The following TMCC1 variants were observed in gnomAD, a reference collection of about 807,000 sequenced individuals.
TMCC1 encodes the protein transmembrane and coiled-coil domain family 1, also known as transmembrane and coiled-coil domains protein 1.
Under a neutral mutation model 52.4 loss-of-function variants are expected in TMCC1, and 15 were observed. That is an observed-to-expected ratio of 0.29 (90% confidence interval 0.19 to 0.44). The LOEUF (loss-of-function observed/expected upper bound fraction) is 0.44, where lower values mean the gene tolerates loss of function less well. Ranked by LOEUF, TMCC1 falls within the 20% of genes least tolerant of loss-of-function variation. TMCC1 has a pLI of 1.00. For missense variants in TMCC1, 503 were observed against 806.0 expected (o/e 0.62, Z 4.55); for synonymous variants, 279 against 301.9 (o/e 0.92, Z 0.79).
At chr3:129,786,302 T>C (rs1040547726) in intron 4 of TMCC1, among the ~76,000 whole-genome samples, 14 of 152,154 alleles carry the variant, frequency 9.2e-5, no homozygotes, top group African/African-American at 2.9e-4. Flanking sequence ...CTCAACAAAA[T>C]ATTATCTAGT....
chr3:129,883,811 G>T (rs937515383), intron 1 of TMCC1, among the ~76,000 whole-genome samples: 1 of 151,424 alleles, frequency 6.6e-6, no homozygotes, highest in Non-Finnish European at 1.5e-5. Context: ...TCACCAACAT[G>T]GTGAAACAAG....
intron 2 of TMCC1, among the ~76,000 whole-genome samples, chr3:129,837,735 A>G (rs1055248814): frequency 1.3e-5 from 2 of 152,224 alleles, no homozygotes; most frequent in African/African-American, 4.8e-5. Context: ...AGTAAATTAG[A>G]ACGTGATTAA....
chr3:129,760,410 G>A (rs1462837272), intron 4 of TMCC1, among the ~76,000 whole-genome samples: 1 of 148,414 alleles, frequency 6.7e-6, no homozygotes, highest in Non-Finnish European at 1.5e-5. Flanking sequence ...TAGTGTGTGT[G>A]TGTGTGTGTG....
chr3:129,744,830 TGA>T (rs2051781366), intron 4 of TMCC1, among the ~76,000 whole-genome samples: 1 of 152,116 alleles, frequency 6.6e-6, no homozygotes, highest in African/African-American at 2.4e-5. Flanking sequence ...GTAACAAAGC[TGA>T]GAGGTAATAA....
At chr3:129,892,272 T>C (rs1445064744) in intron 1 of TMCC1, among the ~76,000 whole-genome samples, 1 of 152,218 alleles carries the variant, frequency 6.6e-6, no homozygotes, top group East Asian at 1.9e-4. Context: ...AAGCAGCTTT[T>C]TAATCTTTCT....
At chr3:129,781,274 G>A (rs2055502516) in intron 4 of TMCC1, among the ~76,000 whole-genome samples, 1 of 152,176 alleles carries the variant, frequency 6.6e-6, no homozygotes, top group African/African-American at 2.4e-5. Flanking sequence ...CACTGATCAT[G>A]TAGGGTACTA....
intron 4 of TMCC1, among the ~76,000 whole-genome samples, chr3:129,679,282 G>A (rs1040799312): frequency 1.3e-5 from 2 of 152,082 alleles, no homozygotes; most frequent in East Asian, 3.9e-4. Context: ...CCTTAGCAGC[G>A]AGGACTTCTC....
intron 4 of TMCC1, among the ~76,000 whole-genome samples, chr3:129,705,562 T>C (rs562813178): frequency 2.0e-5 from 3 of 152,240 alleles, no homozygotes; most frequent in South Asian, 4.1e-4. Context: ...ACAGATGTCA[T>C]GCTCATTGGC....
intron 2 of TMCC1, chr3:129,866,870 G>A (rs2107949866): frequency 6.6e-6 from 1 of 152,196 alleles, no homozygotes; most frequent in East Asian, 1.9e-4. Flanking sequence ...TAAAGTTCCT[G>A]TTTGAAACTT....
At chr3:129,782,472 T>G (rs976471687) in intron 4 of TMCC1, among the ~76,000 whole-genome samples, 2 of 152,180 alleles carry the variant, frequency 1.3e-5, no homozygotes, top group African/African-American at 2.4e-5. Context: ...AACTGGATTC[T>G]GAAATACTGA....
chr3:129,648,558 T>C lies in TMCC1; in HGVS notation c.*2923A>G, dbSNP rs1233358900. 1 of 152,176 alleles carries C rather than the reference T, an allele frequency of 6.6e-6. No homozygotes were observed. Among genetic ancestry groups the C allele is most frequent in the Admixed American group, 6.6e-5 (1 of 15,266 alleles). The allele number at this position is 152,176 out of a possible 1,614,324, so 9.4% of individuals were successfully genotyped here. A position where few individuals can be genotyped will look rare whatever the true frequency, so the allele number is the denominator to read the frequency against. ...AGTACCCTTCAATTATCATAAACAATGTAAAATGCGCATTCTACAACCTGA... is the reference window on the plus strand; with the variant it reads ...AGTACCCTTCAATTATCATAAACAACGTAAAATGCGCATTCTACAACCTGA... On this transcript the variant is annotated 3_prime_UTR_variant, in exon 7 of 7. Coordinates refer to ENST00000393238, the MANE Select transcript of TMCC1 (RefSeq NM_001017395.5).
intron 4 of TMCC1, among the ~76,000 whole-genome samples, chr3:129,827,221 G>A (rs925146759): frequency 1.3e-5 from 2 of 152,050 alleles, no homozygotes; most frequent in Non-Finnish European, 2.9e-5. Flanking sequence ...GAGTTATATG[G>A]AAAAAGTTTC....
chr3:129,865,098 C>T (rs896340502), intron 2 of TMCC1, among the ~76,000 whole-genome samples: 7 of 152,140 alleles, frequency 4.6e-5, no homozygotes, highest in African/African-American at 4.8e-5. Context: ...CCCAGAGGAA[C>T]AGCATCTATC....
intron 6 of TMCC1, among the ~76,000 whole-genome samples, chr3:129,653,713 C>T (rs1196833314): frequency 3.3e-5 from 5 of 152,314 alleles, no homozygotes; most frequent in South Asian, 4.1e-4. Flanking sequence ...CCCAAATCCC[C>T]TGGGATTACA....
intron 4 of TMCC1, among the ~76,000 whole-genome samples, chr3:129,738,984 T>G (rs2051225687): frequency 6.6e-6 from 1 of 151,772 alleles, no homozygotes; most frequent in Non-Finnish European, 1.5e-5. Context: ...GCCCAGCTAA[T>G]TTTTGTATTT....
intron 4 of TMCC1, among the ~76,000 whole-genome samples, chr3:129,685,845 T>C (rs2089364782): frequency 1.3e-5 from 2 of 152,158 alleles, no homozygotes; most frequent in Non-Finnish European, 2.9e-5. Context: ...CTGTTCCATA[T>C]CTCAGGAAAA....
At chr3:129,787,179 A>G (rs936195854) in intron 4 of TMCC1, among the ~76,000 whole-genome samples, 1 of 152,218 alleles carries the variant, frequency 6.6e-6, no homozygotes, top group Non-Finnish European at 1.5e-5. Flanking sequence ...AGAAACCTTC[A>G]GAGAGGTGAA....
At chr3:129,849,580 C>A (rs866552733) in intron 2 of TMCC1, among the ~76,000 whole-genome samples, 1 of 151,650 alleles carries the variant, frequency 6.6e-6, no homozygotes, top group African/African-American at 2.4e-5. Context: ...CTGGCTAACA[C>A]AGTGAAACCC....
chr3:129,863,679 T>C (rs1013150989), intron 2 of TMCC1, among the ~76,000 whole-genome samples: 8 of 151,958 alleles, frequency 5.3e-5, no homozygotes, highest in African/African-American at 1.9e-4. Context: ...CTAACCAACA[T>C]GGTGAAACCC....
Sources: gnomAD v4.1 joint callset for allele counts (sites outside exome capture counted in the v4.1 genomes callset) on GRCh38, gnomAD v4.1.1 for gene constraint, MANE v1.5 for transcripts, NCBI Gene and HGNC (gene_info 2026-07-23, HGNC 2026-07-21) for gene names.